Variants in SNTG1 observed in about 807,000 individuals in gnomAD.
The protein encoded by SNTG1 is gamma-1-syntrophin.
Under a neutral mutation model 74.7 loss-of-function variants are expected in SNTG1, and 39 were observed. The ratio of observed to expected loss-of-function variants is 0.52; its 90% confidence interval spans 0.40 to 0.68. The LOEUF (loss-of-function observed/expected upper bound fraction) is 0.68. Ranked by LOEUF, SNTG1 falls within the 30% of genes least tolerant of loss-of-function variation. The pLI is 0.00. For synonymous variants in SNTG1, 254 were observed against 217.1 expected, an observed-to-expected ratio of 1.17 and a Z score of -1.49; for missense variants, 685 against 609.5, an observed-to-expected ratio of 1.12 and a Z score of -1.30.
intron 15 of SNTG1, among the ~76,000 whole-genome samples, chr8:50,679,016 A>AT (rs2095320851): frequency 6.6e-6 from 1 of 152,114 alleles, no homozygotes. Context: ...TAATAGCTAC[A>AT]TTTTTGATAG....
chr8:50,780,920 T>G (rs1389753684), intron 18 of SNTG1, among the ~76,000 whole-genome samples: 1 of 152,218 alleles, frequency 6.6e-6, no homozygotes, highest in Non-Finnish European at 1.5e-5. Flanking sequence ...TTCTCGTTGC[T>G]TTCAAAGAAC....
intron 2 of SNTG1, among the ~76,000 whole-genome samples, chr8:50,209,945 G>T (rs973313485): frequency 6.6e-6 from 1 of 152,190 alleles, no homozygotes; most frequent in Non-Finnish European, 1.5e-5. Flanking sequence ...AAAGGAGGAT[G>T]TACGAATCCA....
chr8:50,509,808 G>C (rs1467673175), intron 9 of SNTG1, among the ~76,000 whole-genome samples: 1 of 152,090 alleles, frequency 6.6e-6, no homozygotes, highest in African/African-American at 2.4e-5. Context: ...AGCTTAAGGA[G>C]ATTTTGGGCT....
intron 1 of SNTG1, among the ~76,000 whole-genome samples, chr8:50,113,379 A>C (rs549232617): frequency 1.3e-3 from 201 of 152,040 alleles, no homozygotes; most frequent in Middle Eastern, 3.4e-3. Context: ...ATGGGAGTTC[A>C]CTCATGTCTT....
chr8:50,361,169 C>T (rs889640203), intron 2 of SNTG1, among the ~76,000 whole-genome samples: 1 of 151,902 alleles, frequency 6.6e-6, no homozygotes, highest in Non-Finnish European at 1.5e-5. Context: ...TTGTTGGAAA[C>T]TAATACCCAA....
chr8:50,703,612 C>G (rs2131525085), intron 15 of SNTG1, among the ~76,000 whole-genome samples: 1 of 152,132 alleles, frequency 6.6e-6, no homozygotes, highest in South Asian at 2.1e-4. Flanking sequence ...TACTATAATA[C>G]AGTAAATACA....
intron 2 of SNTG1, among the ~76,000 whole-genome samples, chr8:50,357,480 A>C (rs963921400): frequency 3.3e-5 from 5 of 152,198 alleles, no homozygotes; most frequent in Admixed American, 1.3e-4. Context: ...TCACATTCTA[A>C]AATCAATACA....
intron 15 of SNTG1, among the ~76,000 whole-genome samples, chr8:50,682,050 C>T (rs563989237): frequency 6.6e-6 from 1 of 152,252 alleles, no homozygotes; most frequent in South Asian, 2.1e-4. Flanking sequence ...GTGTTAGAAA[C>T]AAATGCTTGT....
intron 2 of SNTG1, among the ~76,000 whole-genome samples, chr8:50,311,664 C>T (rs2090118743): frequency 6.6e-6 from 1 of 152,148 alleles, no homozygotes. Context: ...TCCACTACAA[C>T]TTGTTCAATT....
intron 12 of SNTG1, among the ~76,000 whole-genome samples, chr8:50,570,811 G>A (rs561238987): frequency 6.6e-6 from 1 of 151,324 alleles, no homozygotes; most frequent in South Asian, 2.1e-4. Context: ...TCACCACGTT[G>A]GTCAGGATGG....
chr8:50,418,226 A>G (rs2093037840), intron 4 of SNTG1, among the ~76,000 whole-genome samples: 1 of 152,038 alleles, frequency 6.6e-6, no homozygotes, highest in African/African-American at 2.4e-5. Flanking sequence ...TTCTCTCTTC[A>G]ACTTCACTAG....
intron 2 of SNTG1, among the ~76,000 whole-genome samples, chr8:50,360,011 G>T (rs770318281): frequency 6.6e-6 from 1 of 151,980 alleles, no homozygotes; most frequent in African/African-American, 2.4e-5. Context: ...AGAAATGCAG[G>T]CCTTTCTGTA....
intron 17 of SNTG1, among the ~76,000 whole-genome samples, chr8:50,732,474 C>T (rs529565522): frequency 3.3e-5 from 5 of 151,736 alleles, no homozygotes; most frequent in African/African-American, 4.8e-5. Flanking sequence ...TGCATTTTTC[C>T]GTATATCTAC....
intron 8 of SNTG1, among the ~76,000 whole-genome samples, chr8:50,473,640 A>C (rs1205355185): frequency 6.6e-6 from 1 of 152,204 alleles, no homozygotes; most frequent in African/African-American, 2.4e-5. Flanking sequence ...CATTTTTCAC[A>C]ATAACCAAGA....
At chr8:50,742,012 G>A (rs188780663) in intron 17 of SNTG1, among the ~76,000 whole-genome samples, 2 of 152,008 alleles carry the variant, frequency 1.3e-5, no homozygotes, top group East Asian at 1.9e-4. Context: ...TGTAAACTTA[G>A]GACTTTGAAG....
At chr8:50,369,602 G>A (rs1052584119) in intron 2 of SNTG1, among the ~76,000 whole-genome samples, 49 of 139,076 alleles carry the variant, frequency 3.5e-4, no homozygotes, top group South Asian at 6.7e-4. Flanking sequence ...GTCCCAAAAA[G>A]AAAAAAAAAA....
intron 9 of SNTG1, among the ~76,000 whole-genome samples, chr8:50,513,698 A>C (rs1206645236): frequency 6.6e-6 from 1 of 152,220 alleles, no homozygotes; most frequent in East Asian, 1.9e-4. Context: ...CTCCGTGGGC[A>C]TAAGACCCTC....
chr8:50,003,879 C>G (rs1405218773), intron 1 of SNTG1, among the ~76,000 whole-genome samples: 1 of 152,142 alleles, frequency 6.6e-6, no homozygotes, highest in East Asian at 1.9e-4. Flanking sequence ...TTTCTGGAGT[C>G]TGTTACTGGC....
intron 1 of SNTG1, among the ~76,000 whole-genome samples, chr8:49,950,148 AAT>A (rs779070904): frequency 7.1e-4 from 108 of 152,316 alleles, no homozygotes; most frequent in Admixed American, 1.5e-3. Context: ...AATAAAAAAA[AAT>A]AATTATTTAA....
Sources: gnomAD v4.1 joint callset for allele counts (sites outside exome capture counted in the v4.1 genomes callset) on GRCh38, gnomAD v4.1.1 for gene constraint, MANE v1.5 for transcripts, NCBI Gene and HGNC (gene_info 2026-07-23, HGNC 2026-07-21) for gene names.